The following TIMM50 variants were observed in gnomAD, a reference collection of about 807,000 sequenced individuals.
TIMM50 encodes mitochondrial import inner membrane translocase subunit TIM50.
Under a neutral mutation model 49.6 loss-of-function variants are expected in TIMM50, and 34 were observed. The observed-to-expected ratio is 0.69, with a 90% CI of 0.52 to 0.91. TIMM50 has a LOEUF of 0.91. TIMM50 is among the 40% of genes least tolerant of loss of function. The pLI, the probability that TIMM50 is intolerant of heterozygous loss-of-function variation, is 0.00. For missense variants in TIMM50, 458 were observed against 477.8 expected (o/e 0.96, Z 0.39); for synonymous variants, 199 against 198.4 (o/e 1.00, Z -0.03).
At position 39,488,193 on chromosome 19, in the gene TIMM50, T is replaced by A. The variant is rs200968629; in HGVS notation, c.829T>A (p.Leu277Met). ...CGGCAACTCTGATGACCGGGTCTTGTTGGATCTGTCTGCCTTCCTCAAGAG... is the reference window on the plus strand; with the variant it reads ...CGGCAACTCTGATGACCGGGTCTTGATGGATCTGTCTGCCTTCCTCAAGAG... ...WDGNSDDRVL[L>M]DLSAFLKTIA... The change falls in exon 9 of 11, where the codon TTG (leucine) becomes ATG (methionine). Residue 277 changes from leucine to methionine, a missense_variant. Leu to Met is a conservative substitution (Grantham distance 15). Coordinates refer to ENST00000607714, the MANE Select transcript of TIMM50 (RefSeq NM_001001563.5). The A allele has an allele frequency of 6.2e-7, 1 of 1,613,576 alleles. No homozygotes were observed. The highest frequency in any genetic ancestry group is 2.2e-5 in the East Asian group (1 of 44,838).
rs769162448 is a variant in TIMM50, at chr19:39,489,738, C to T, written c.980C>T (p.Ala327Val). The change falls in exon 11 of 11, where the codon GCC (alanine) becomes GTC (valine). Residue 327 changes from alanine (A) to valine (V), a missense_variant. Physicochemically the swap from Ala to Val is moderately conservative, Grantham distance 64 (BLOSUM62 0). Coordinates refer to ENST00000607714, the MANE Select transcript of TIMM50 (RefSeq NM_001001563.5). ...RLEQEEQQRLAELSKSNKQNL... is the reference protein window; with the variant it reads ...RLEQEEQQRLVELSKSNKQNL... The stretch of plus-strand genomic sequence containing the variant: ...CCCCAGGAGGAGCAGCAGCGCCTGG[C>T]CGAGCTCTCCAAGTCCAACAAGCAG... The T allele has an allele frequency of 5.0e-6, 8 of 1,609,302 alleles. No individual in the cohort carries two copies. In the Admixed American group the frequency reaches 1.2e-4, roughly 24 times the overall value.
Position 39,488,077 on chromosome 19 carries a change from A to G in TIMM50, c.713A>G (p.Asn238Ser). The change falls in exon 9 of 11, where the codon AAT (asparagine) becomes AGT (serine). Residue 238 changes from asparagine to serine, a missense_variant. Transcript: ENST00000607714. ...GHHVKDISCL[N>S]RDPARVVVVD... ...CACTTCCAGGATATTTCATGTCTGA[A>G]TCGGGACCCAGCTCGAGTAGTAGTT... The G allele has an allele frequency of 1.2e-6, 2 of 1,610,516 alleles. No individual in the cohort carries two copies. Among genetic ancestry groups the G allele is most frequent in the Non-Finnish European group, 8.5e-7 (1 of 1,177,090 alleles).
At chr19:39,485,137 T>G (rs1256002713) in intron 4 of TIMM50, 2 of 174,154 alleles carry the variant, frequency 1.1e-5, no homozygotes, top group African/African-American at 4.8e-5. Flanking sequence ...TTTTTTTTTT[T>G]TACTGTTTTA....
At position 39,481,881 on chromosome 19, in the gene TIMM50, AGGCCGCAGAGATCGG is replaced by A; in HGVS notation, c.109_123del (p.Ala37_Gly41del). On this transcript the variant is annotated splice_acceptor_variant and coding_sequence_variant, in exon 2 of 11. Coordinates refer to ENST00000607714, the MANE Select transcript of TIMM50 (RefSeq NM_001001563.5). LOFTEE classifies it high-confidence loss of function. The stretch of plus-strand genomic sequence containing the variant: ...GGCTGACCTCCCCTTTCTCAACCGC[AGGCCGCAGAGATCGG>A]GAGCCGCGGGAGCACTAAGGCGCAA... 6.2e-7 allele frequency: 1 copy of A among 1,611,570 alleles called. No individual in the cohort carries two copies. Among genetic ancestry groups the A allele is most frequent in the Non-Finnish European group, 8.5e-7 (1 of 1,179,040 alleles).
intron 8 of TIMM50, among the ~76,000 whole-genome samples, chr19:39,487,774 TA>T (rs923141944): frequency 3.3e-5 from 5 of 152,110 alleles, no homozygotes; most frequent in Non-Finnish European, 7.4e-5. Flanking sequence ...TTGTATTTAG[TA>T]GATACGGGGT....
chr19:39,489,797 T>C lies in TIMM50; in HGVS notation c.1039T>C (p.Trp347Arg), dbSNP rs1343880172. 3 of 1,610,552 alleles carry C rather than the reference T, an allele frequency of 1.9e-6. No homozygotes were observed. The highest frequency in any genetic ancestry group is 2.2e-5 in the East Asian group (1 of 44,832). ...CCTTGGCTCCCTCACCAGCCGCTTGTGGCCTCGCTCCAAACAGCCCTGAAC... is the reference window on the plus strand; with the variant it reads ...CCTTGGCTCCCTCACCAGCCGCTTGCGGCCTCGCTCCAAACAGCCCTGAAC... ...LFLGSLTSRL[W>R]PRSKQP The change falls in exon 11 of 11, where the codon TGG becomes CGG. Residue 347 changes from tryptophan to arginine, a missense_variant. Physicochemically the swap from Trp to Arg is moderately radical, Grantham distance 101. Coordinates refer to ENST00000607714, the MANE Select transcript of TIMM50 (RefSeq NM_001001563.5).
At chr19:39,486,015 A>C in intron 6 of TIMM50, 172 bp from the exon 7 acceptor site, 1 of 1,091,292 alleles carries the variant, frequency 9.2e-7, no homozygotes, top group Non-Finnish European at 1.3e-6. Context: ...TATAAGTGCC[A>C]CAAAGGAGCC....
chr19:39,483,491 G>A (rs1453097039), intron 4 of TIMM50: 2 of 328,190 alleles, frequency 6.1e-6, no homozygotes, highest in Non-Finnish European at 5.6e-6. Context: ...CATCCCCCTC[G>A]AGCCCCTACC....
intron 10 of TIMM50, 41 bp from the exon 11 acceptor site, chr19:39,489,678 C>T: frequency 2.6e-6 from 4 of 1,554,096 alleles, no homozygotes; most frequent in Non-Finnish European, 3.5e-6. Context: ...GCTCTGTCCA[C>T]CTTGCGCTGA....
At chr19:39,481,159 A>AC (rs2079468483) in intron 1 of TIMM50, 198 bp downstream of exon 1, 2 of 676,564 alleles carry the variant, frequency 3.0e-6, no homozygotes, top group East Asian at 6.3e-5. Context: ...GTGTCCTTAG[A>AC]CCCCACCTCC....
Position 39,488,610 on chromosome 19 carries a change from G to T in TIMM50, c.925G>T (p.Ala309Ser), listed in dbSNP as rs370217104. 21 of 1,613,576 alleles carry T rather than the reference G, an allele frequency of 1.3e-5. No homozygotes were observed. The highest frequency in any genetic ancestry group is 1.8e-4 in the Middle Eastern group (1 of 5,684). The change falls in exon 10 of 11, where the codon GCG becomes TCG. Residue 309 changes from alanine to serine, a missense_variant. Transcript: ENST00000607714. ...CTATGCCCTGGAGGATGACCCGCTG[G>T]CGGCTTTCAAACAGCGGCAAAGCCG... ...EHYALEDDPL[A>S]AFKQRQSRLE...
At position 39,482,428 on chromosome 19, in the gene TIMM50, C is replaced by T. The variant is rs1236195399; in HGVS notation, c.259+395C>T. Among the ~76,000 whole-genome samples the T allele has an allele frequency of 3.9e-5, 6 of 152,182 alleles. No homozygotes were observed. The East Asian group carries it at 5.8e-4, about 15-fold the overall frequency. On this transcript the variant is annotated intron_variant, in intron 2 of 10. Coordinates refer to ENST00000607714, the MANE Select transcript of TIMM50 (RefSeq NM_001001563.5). Reference sequence around the variant, plus strand: ...ATCCCAGCACTTTGGGAGGCCGAGGCGGGCGGATCACGAGGTCAGGAGACG... The same window carrying T: ...ATCCCAGCACTTTGGGAGGCCGAGGTGGGCGGATCACGAGGTCAGGAGACG...
chr19:39,489,106 T>C (rs1343950055), intron 10 of TIMM50, among the ~76,000 whole-genome samples: 1 of 151,980 alleles, frequency 6.6e-6, no homozygotes, highest in Non-Finnish European at 1.5e-5. Flanking sequence ...GGGTCTAGGC[T>C]GAGGTTCACC....
chr19:39,489,678 C>G, intron 10 of TIMM50, 41 bp from the exon 11 acceptor site: 1 of 1,554,096 alleles, frequency 6.4e-7, no homozygotes, highest in African/African-American at 1.4e-5. Context: ...GCTCTGTCCA[C>G]CTTGCGCTGA....
In TIMM50 at chr19:39,488,591, C is replaced by T; in HGVS notation, c.906C>T (p.Ala302=). 6.2e-7 allele frequency: 1 copy of T among 1,613,510 alleles called. No individual in the cohort carries two copies. The highest frequency in any genetic ancestry group is 1.8e-4 in the Middle Eastern group (1 of 5,504). ...EDVRTVLEHY[A]LEDDPLAAFK... is the part of the protein sequence containing the mutation. The stretch of plus-strand genomic sequence containing the variant: ...TGCGAACCGTGCTGGAGCACTATGC[C>T]CTGGAGGATGACCCGCTGGCGGCTT... The change falls in exon 10 of 11, where the codon GCC becomes GCT. Residue 302 remains alanine (A), a synonymous_variant. Coordinates refer to ENST00000607714, the MANE Select transcript of TIMM50 (RefSeq NM_001001563.5).
chr19:39,486,641 A>G, intron 8 of TIMM50, 146 bp downstream of exon 8: 1 of 727,588 alleles, frequency 1.4e-6, no homozygotes, highest in Non-Finnish European at 2.3e-6. Flanking sequence ...GCCTGCCTCT[A>G]GCCTTGGCCA....
rs934750639 is a variant in TIMM50 at position 39,482,047 on chromosome 19, C to T, written c.259+14C>T. ...TCTATATCTTTGGTGAGGGACATAT[C>T]CCTGTCCCCCAGTTTTGTTCCTTGG... On this transcript the variant is annotated intron_variant, in intron 2 of 10. Transcript: ENST00000607714. The T allele has an allele frequency of 6.2e-7, 1 of 1,608,954 alleles. No homozygotes were observed. Among genetic ancestry groups the T allele is most frequent in the Non-Finnish European group, 8.5e-7 (1 of 1,175,800 alleles).
At position 39,492,055 on chromosome 19, in the gene TIMM50, C is replaced by G. The variant is rs2079549043; in HGVS notation, c.*2235C>G. Reference sequence around the variant, plus strand: ...TAGCCACATGTGTCTCCTGTATTGACAGTACCACTGTGTATTAAGAGTATG... The same window carrying G: ...TAGCCACATGTGTCTCCTGTATTGAGAGTACCACTGTGTATTAAGAGTATG... On this transcript the variant is annotated 3_prime_UTR_variant, in exon 11 of 11. Transcript: ENST00000607714. 6.6e-6 allele frequency: 1 copy of G among 152,118 alleles called. No individual in the cohort carries two copies. The allele number at this position is 152,118 out of a possible 1,614,324, so 9.4% of individuals were successfully genotyped here. A position where few individuals can be genotyped will look rare whatever the true frequency, so the allele number is the denominator to read the frequency against.
intron 10 of TIMM50, among the ~76,000 whole-genome samples, chr19:39,489,005 G>A (rs1221467246): frequency 6.6e-6 from 1 of 152,070 alleles, no homozygotes; most frequent in Admixed American, 6.5e-5. Context: ...GTGGCCCAAG[G>A]CTGTGGGGAG....
Sources: allele counts gnomAD v4.1 joint callset (sites outside exome capture counted in the v4.1 genomes callset), GRCh38; gene constraint gnomAD v4.1.1; transcripts MANE v1.5; gene names NCBI Gene and HGNC (gene_info 2026-07-23, HGNC 2026-07-21).